The following PPP1R14C variants were observed in gnomAD, a reference collection of about 807,000 sequenced individuals.
The protein encoded by PPP1R14C is protein phosphatase 1 regulatory inhibitor subunit 14C, also known as protein phosphatase 1 regulatory subunit 14C.
A neutral mutation model predicts 20.4 loss-of-function variants in PPP1R14C; 16 were observed. That is an observed-to-expected ratio of 0.78 (90% CI 0.53 to 1.19). PPP1R14C has a LOEUF of 1.19. Among genes scored for constraint, PPP1R14C ranks in the 50% most tolerant of loss-of-function variants. PPP1R14C has a pLI of 0.00. For synonymous variants in PPP1R14C, 91 were observed against 91.0 expected (o/e 1.00, Z 0.00); for missense variants, 211 against 220.1 (o/e 0.96, Z 0.26).
At chr6:150,246,950 A>G (rs779272620) in intron 3 of PPP1R14C, among the ~76,000 whole-genome samples, 13 of 152,338 alleles carry the variant, frequency 8.5e-5, no homozygotes, top group African/African-American at 1.9e-4. Context: ...TTCAATATCC[A>G]TAGAAGAAAA....
intron 1 of PPP1R14C, among the ~76,000 whole-genome samples, chr6:150,188,606 C>T (rs1381426989): frequency 6.7e-6 from 1 of 149,830 alleles, no homozygotes; most frequent in African/African-American, 2.5e-5. Flanking sequence ...CCTGCCTCAG[C>T]CTCCTGAGTA....
chr6:150,183,771 G>T (rs947166709), intron 1 of PPP1R14C, among the ~76,000 whole-genome samples: 2 of 152,078 alleles, frequency 1.3e-5, no homozygotes, highest in Admixed American at 1.3e-4. Flanking sequence ...CTCCCAAAAT[G>T]CTGGGATTAC....
At chr6:150,230,070 T>C (rs998206805) in intron 3 of PPP1R14C, among the ~76,000 whole-genome samples, 2 of 152,176 alleles carry the variant, frequency 1.3e-5, no homozygotes, top group African/African-American at 2.4e-5. Context: ...CCAGGAGTTT[T>C]CAGTGTGATT....
chr6:150,173,578 A>G (rs1486535792), intron 1 of PPP1R14C, among the ~76,000 whole-genome samples: 1 of 152,048 alleles, frequency 6.6e-6, no homozygotes, highest in Non-Finnish European at 1.5e-5. Flanking sequence ...ACTACTTTCC[A>G]ATTTCAGCCT....
intron 3 of PPP1R14C, among the ~76,000 whole-genome samples, chr6:150,227,193 G>A (rs1778240414): frequency 6.6e-6 from 1 of 152,176 alleles, no homozygotes; most frequent in Non-Finnish European, 1.5e-5. Flanking sequence ...TTACAATACA[G>A]GAAAACCATG....
At chr6:150,182,715 A>G (rs556280682) in intron 1 of PPP1R14C, among the ~76,000 whole-genome samples, 1 of 152,352 alleles carries the variant, frequency 6.6e-6, no homozygotes, top group African/African-American at 2.4e-5. Context: ...TGCACAGTAT[A>G]GTGGCTGTTA....
chr6:150,206,868 T>A (rs1777958466), intron 1 of PPP1R14C, among the ~76,000 whole-genome samples: 2 of 142,536 alleles, frequency 1.4e-5, no homozygotes, highest in African/African-American at 5.4e-5. Context: ...TTGTTTCTGT[T>A]TTTGTTTTTT....
chr6:150,225,212 G>C (rs527862189), intron 3 of PPP1R14C, among the ~76,000 whole-genome samples: 1 of 152,264 alleles, frequency 6.6e-6, no homozygotes, highest in South Asian at 2.1e-4. Context: ...TTTCAAAATG[G>C]TTCCTTTTTA....
chr6:150,245,324 C>A (rs1399804776), intron 3 of PPP1R14C, among the ~76,000 whole-genome samples: 1 of 152,184 alleles, frequency 6.6e-6, no homozygotes, highest in African/African-American at 2.4e-5. Context: ...CCCACAGTGG[C>A]CAAAGGAATC....
At chr6:150,150,002 A>G (rs575998245) in intron 1 of PPP1R14C, among the ~76,000 whole-genome samples, 3 of 152,156 alleles carry the variant, frequency 2.0e-5, no homozygotes, top group African/African-American at 7.2e-5. Context: ...AACTGTCTTA[A>G]TTTTCATCAT....
intron 3 of PPP1R14C, among the ~76,000 whole-genome samples, chr6:150,231,117 C>A (rs1285885770): frequency 1.3e-5 from 2 of 152,180 alleles, no homozygotes; most frequent in East Asian, 3.9e-4. Flanking sequence ...TGATACCACG[C>A]CCCTGTGACA....
intron 3 of PPP1R14C, among the ~76,000 whole-genome samples, chr6:150,236,613 CTGTGTGTG>C (rs142109127): frequency 3.5e-5 from 5 of 144,504 alleles, no homozygotes; most frequent in Non-Finnish European, 7.6e-5. Flanking sequence ...GTTGGTGCCA[CTGTGTGTG>C]TGTGTGTGTG....
At chr6:150,241,816 G>A (rs1388065992) in intron 3 of PPP1R14C, among the ~76,000 whole-genome samples, 1 of 152,206 alleles carries the variant, frequency 6.6e-6, no homozygotes, top group African/African-American at 2.4e-5. Flanking sequence ...GAACCCGGGA[G>A]GCGGAGGTTG....
intron 3 of PPP1R14C, among the ~76,000 whole-genome samples, chr6:150,220,988 C>T (rs1778160494): frequency 6.6e-6 from 1 of 152,146 alleles, no homozygotes. Context: ...ACTGAACATC[C>T]CTGTGTTCTT....
intron 3 of PPP1R14C, among the ~76,000 whole-genome samples, chr6:150,234,596 C>T (rs2114926727): frequency 6.6e-6 from 1 of 151,944 alleles, no homozygotes; most frequent in Middle Eastern, 3.4e-3. Flanking sequence ...ATGCTGTAAT[C>T]CCAGCACTTT....
At chr6:150,214,916 C>T (rs1778071880) in intron 2 of PPP1R14C, 89 bp downstream of exon 2, 2 of 916,126 alleles carry the variant, frequency 2.2e-6, no homozygotes, top group South Asian at 3.1e-5. Flanking sequence ...ACTGATTCCG[C>T]CCTGTGGTGG....
chr6:150,144,126 A>G (rs1777155787), intron 1 of PPP1R14C, among the ~76,000 whole-genome samples: 1 of 152,162 alleles, frequency 6.6e-6, no homozygotes, highest in Admixed American at 6.5e-5. Flanking sequence ...TGCTTTGTTG[A>G]AGCCGTAGTT....
chr6:150,171,179 A>AATGAC (rs1197421331), intron 1 of PPP1R14C, among the ~76,000 whole-genome samples: 9 of 152,166 alleles, frequency 5.9e-5, no homozygotes, highest in African/African-American at 2.2e-4. Flanking sequence ...ACAAATGTTT[A>AATGAC]ATGACATGTA....
chr6:150,226,529 A>G (rs1358815715), intron 3 of PPP1R14C, among the ~76,000 whole-genome samples: 6 of 152,074 alleles, frequency 3.9e-5, no homozygotes, highest in African/African-American at 1.4e-4. Flanking sequence ...TAGAACCTCC[A>G]TTGTACTGGG....
Sources: gnomAD v4.1 joint callset for allele counts (sites outside exome capture counted in the v4.1 genomes callset) on GRCh38, gnomAD v4.1.1 for gene constraint, MANE v1.5 for transcripts, NCBI Gene and HGNC (gene_info 2026-07-23, HGNC 2026-07-21) for gene names.